GALNT2: variants seen among roughly 807,000 people sequenced by gnomAD.
The protein encoded by GALNT2 is UDP-GalNAc:polypeptide N-acetylgalactosaminyltransferase 2.
A neutral mutation model predicts 81.4 loss-of-function variants in GALNT2; 31 were observed. The ratio of observed to expected loss-of-function variants is 0.38; its 90% CI spans 0.29 to 0.51. The LOEUF is 0.51. Among genes scored for constraint, GALNT2 ranks in the 20% least tolerant of loss-of-function variants. GALNT2 has a pLI of 0.87. For missense variants in GALNT2, 629 were observed against 765.7 expected (o/e 0.82, Z 2.11); for synonymous variants, 303 against 287.4 (o/e 1.05, Z -0.55).
chr1:230,108,091 G>A (rs1014578911), intron 1 of GALNT2, among the ~76,000 whole-genome samples: 8 of 152,298 alleles, frequency 5.3e-5, no homozygotes, highest in Middle Eastern at 3.4e-3. Flanking sequence ...GCTGGGCACG[G>A]TAAACACAGA....
intron 3 of GALNT2, 120 bp downstream of exon 3, chr1:230,203,410 A>G: frequency 8.4e-7 from 1 of 1,188,772 alleles, no homozygotes; most frequent in Non-Finnish European, 1.2e-6. Context: ...GTGTGTTGTA[A>G]AACTAGGAAA....
At position 230,255,230 on chromosome 1, in the gene GALNT2, G is replaced by A. The variant is rs755413572; in HGVS notation, c.1022G>A (p.Arg341His). 6.8e-6 allele frequency: 11 copies of A among 1,614,064 alleles called. No homozygotes were observed. The highest frequency in any genetic ancestry group is 2.2e-5 in the East Asian group (1 of 44,888). ...TTCATCGTCTCAGAGATCTCGTTCC[G>A]CGTGTGGCAGTGTGGTGGCAGCCTG... Reference protein sequence around the residue: ...WGGENLEISFRVWQCGGSLEI... With the variant: ...WGGENLEISFHVWQCGGSLEI... Residue 341 changes from arginine (R) to histidine (H), a missense_variant, in exon 11 of 16, where the codon CGC (arginine) becomes CAC (histidine). Arg to His is a conservative substitution (Grantham distance 29). Coordinates refer to ENST00000366672, the MANE Select transcript of GALNT2 (RefSeq NM_004481.5).
intron 1 of GALNT2, among the ~76,000 whole-genome samples, chr1:230,118,820 A>C (rs1036635493): frequency 6.6e-6 from 1 of 152,046 alleles, no homozygotes. Context: ...AGCCCAATTA[A>C]AAAAAGTTAT....
intron 3 of GALNT2, among the ~76,000 whole-genome samples, chr1:230,216,388 G>A (rs16851142): frequency 0.14 from 20,943 of 152,158 alleles, 2,457 homozygotes; most frequent in East Asian, 0.57. Flanking sequence ...AGCATTGTCA[G>A]TTTATGGTAC....
chr1:230,189,357 CCAGA>C (rs2102695125), intron 2 of GALNT2, among the ~76,000 whole-genome samples: 1 of 152,198 alleles, frequency 6.6e-6, no homozygotes, highest in East Asian at 1.9e-4. Context: ...TTCAGTTACC[CCAGA>C]CAGTGGATTT....
chr1:230,119,459 C>T (rs1389307256), intron 1 of GALNT2, among the ~76,000 whole-genome samples: 4 of 152,280 alleles, frequency 2.6e-5, no homozygotes, highest in East Asian at 3.9e-4. Flanking sequence ...CTGCTCGCCA[C>T]GTGGGGTCTG....
chr1:230,235,923 G>A (rs1317096789), intron 3 of GALNT2, 91 bp from the exon 4 acceptor site: 8 of 1,113,126 alleles, frequency 7.2e-6, no homozygotes, highest in Non-Finnish European at 1.1e-5. Flanking sequence ...GTCCATCCCA[G>A]TTGGTCAGTC....
chr1:230,243,494 A>C lies in GALNT2; in HGVS notation c.729+67A>C. 2 of 1,587,894 alleles carry C rather than the reference A, an allele frequency of 1.3e-6. No individual in the cohort carries two copies. The highest frequency in any genetic ancestry group is 1.1e-5 in the South Asian group (1 of 89,064). On this transcript the variant is annotated intron_variant, in intron 7 of 15. Transcript: ENST00000366672. This position sits in a 1 kb window ranked among gnomAD's most constrained non-coding sequence, Gnocchi z 4.2. Reference sequence around the variant, plus strand: ...GTTGGTAGAGGGGACAGAAGGGAGCATGGTCCAGGGGAGGTGTAACGCAGG... The same window carrying C: ...GTTGGTAGAGGGGACAGAAGGGAGCCTGGTCCAGGGGAGGTGTAACGCAGG...
intron 14 of GALNT2, among the ~76,000 whole-genome samples, chr1:230,270,533 A>G (rs1377153737): frequency 6.6e-6 from 1 of 152,246 alleles, no homozygotes; most frequent in Admixed American, 6.5e-5. Flanking sequence ...TTTAAATGCA[A>G]ATGGCCCTGG....
At chr1:230,201,382 G>A (rs147094472) in intron 2 of GALNT2, among the ~76,000 whole-genome samples, 100 of 152,196 alleles carry the variant, frequency 6.6e-4, no homozygotes, top group Admixed American at 3.9e-3. Flanking sequence ...TTCTGACCTC[G>A]CAGGACCATT....
intron 1 of GALNT2, among the ~76,000 whole-genome samples, chr1:230,147,558 C>G (rs1475263249): frequency 1.3e-5 from 2 of 152,214 alleles, no homozygotes; most frequent in Non-Finnish European, 2.9e-5. Context: ...CCTGGTCCCG[C>G]GGGGGCTTTT....
At chr1:230,235,332 T>G (rs898427338) in intron 3 of GALNT2, among the ~76,000 whole-genome samples, 6 of 152,022 alleles carry the variant, frequency 3.9e-5, no homozygotes, top group African/African-American at 1.4e-4. Flanking sequence ...AGGTCTGGCC[T>G]CTGAATCAGC....
chr1:230,249,437 A>G (rs1665476484), intron 9 of GALNT2, among the ~76,000 whole-genome samples, 166 bp downstream of exon 9: 1 of 152,210 alleles, frequency 6.6e-6, no homozygotes, highest in Non-Finnish European at 1.5e-5. Context: ...CAGGTCATAG[A>G]ATAAAATCCT....
intron 1 of GALNT2, among the ~76,000 whole-genome samples, chr1:230,094,939 G>A (rs545756313): frequency 1.6e-4 from 24 of 152,272 alleles, no homozygotes; most frequent in Non-Finnish European, 2.8e-4. Flanking sequence ...CCTACTGAGG[G>A]TGAGGATTAA....
At chr1:230,186,361 G>A (rs949883223) in intron 2 of GALNT2, among the ~76,000 whole-genome samples, 1 of 152,144 alleles carries the variant, frequency 6.6e-6, no homozygotes, top group Non-Finnish European at 1.5e-5. Context: ...GTCAATTTGT[G>A]TGTTAAGTCG....
At chr1:230,108,164 G>A (rs974055400) in intron 1 of GALNT2, among the ~76,000 whole-genome samples, 1 of 152,230 alleles carries the variant, frequency 6.6e-6, no homozygotes, top group African/African-American at 2.4e-5. Context: ...TGGTTTGCCT[G>A]TGAAGCAATA....
chr1:230,167,329 T>C (rs930094557), intron 1 of GALNT2, among the ~76,000 whole-genome samples: 4 of 152,122 alleles, frequency 2.6e-5, no homozygotes, highest in African/African-American at 9.7e-5. Flanking sequence ...AAATTTTTTG[T>C]AGAAGCAGGG....
chr1:230,278,404 C>T (rs1241940843), intron 15 of GALNT2, among the ~76,000 whole-genome samples: 4 of 152,120 alleles, frequency 2.6e-5, no homozygotes, highest in East Asian at 1.9e-4. Context: ...GGATTAGTGT[C>T]GTGAGCCGCC....
At chr1:230,132,562 G>A (rs114305593) in intron 1 of GALNT2, among the ~76,000 whole-genome samples, 3,722 of 152,308 alleles carry the variant, frequency 0.024, 147 homozygotes, top group African/African-American at 0.083. Flanking sequence ...TGGGAGCCAT[G>A]AGGAAGGGAC....
Sources: gnomAD v4.1 joint callset for allele counts (sites outside exome capture counted in the v4.1 genomes callset) on GRCh38, gnomAD v4.1.1 for gene constraint, Gnocchi (gnomAD v3.1) non-coding constraint, MANE v1.5 for transcripts, NCBI Gene and HGNC (gene_info 2026-07-23, HGNC 2026-07-21) for gene names.